The following UBE2L3 variants were observed in gnomAD, a reference collection of about 807,000 sequenced individuals.
UBE2L3 encodes ubiquitin conjugating enzyme E2 L3.
A neutral mutation model predicts 17.8 loss-of-function variants in UBE2L3; 1 was observed. That is an observed-to-expected ratio of 0.06 (90% CI 0.02 to 0.27). The LOEUF is 0.27. Ranked by LOEUF, UBE2L3 falls within the 10% of genes least tolerant of loss-of-function variation. The pLI is 1.00. For missense variants in UBE2L3, 40 were observed against 192.6 expected (o/e 0.21, Z 4.69); for synonymous variants, 44 against 68.5 (o/e 0.64, Z 1.76).
intron 1 of UBE2L3, among the ~76,000 whole-genome samples, chr22:21,591,477 A>G (rs1239091222): frequency 6.6e-6 from 1 of 152,184 alleles, no homozygotes; most frequent in Non-Finnish European, 1.5e-5. Context: ...TCTTCCGTGT[A>G]TTCATTCACT....
At position 21,621,582 on chromosome 22, in the gene UBE2L3, T is replaced by G; in HGVS notation, c.378T>G (p.Ala126=). 2 of 1,611,780 alleles carry G rather than the reference T, an allele frequency of 1.2e-6. No individual in the cohort carries two copies. The highest frequency in any genetic ancestry group is 1.7e-6 in the Non-Finnish European group (2 of 1,179,808). The part of the protein sequence containing the change: ...QPEHPLRADL[A]EEYSKDRKKF... ...AGCACCCGCTTCGGGCTGACCTAGCTGAAGAATACTCTAAGGACCGTAAAA... is the reference window on the plus strand; with the variant it reads ...AGCACCCGCTTCGGGCTGACCTAGCGGAAGAATACTCTAAGGACCGTAAAA... Residue 126 remains alanine (A), a synonymous_variant, in exon 4 of 4, where the codon GCT becomes GCG. Coordinates refer to ENST00000342192, the MANE Select transcript of UBE2L3 (RefSeq NM_003347.4).
intron 3 of UBE2L3, among the ~76,000 whole-genome samples, chr22:21,615,028 G>A (rs367930883): frequency 7.9e-5 from 12 of 152,168 alleles, no homozygotes; most frequent in Non-Finnish European, 1.5e-4. Context: ...GGTGGCGGGC[G>A]CCTGTAATCC....
At chr22:21,560,154 A>G (rs1313960890) in intron 1 of UBE2L3, among the ~76,000 whole-genome samples, 14 of 152,118 alleles carry the variant, frequency 9.2e-5, no homozygotes, top group African/African-American at 2.4e-4. Context: ...CCATAGCCAG[A>G]GAGCCTGGCA....
intron 2 of UBE2L3, among the ~76,000 whole-genome samples, chr22:21,600,215 A>G (rs1235609062): frequency 6.6e-6 from 1 of 152,080 alleles, no homozygotes; most frequent in Non-Finnish European, 1.5e-5. Flanking sequence ...TGGGAGGCTC[A>G]GCCAGGAGAA....
chr22:21,578,612 G>A (rs2148408145), intron 1 of UBE2L3, among the ~76,000 whole-genome samples: 1 of 152,228 alleles, frequency 6.6e-6, no homozygotes, highest in Non-Finnish European at 1.5e-5. Flanking sequence ...CCCATGTACA[G>A]ATGGACACGG....
chr22:21,603,485 G>A (rs1268213189), intron 2 of UBE2L3, among the ~76,000 whole-genome samples: 8 of 141,986 alleles, frequency 5.6e-5, no homozygotes, highest in South Asian at 2.3e-4. Context: ...AACCGAGATC[G>A]TGCCATTGCA....
At chr22:21,557,040 TGA>T (rs1273222426) in intron 1 of UBE2L3, among the ~76,000 whole-genome samples, 3 of 150,906 alleles carry the variant, frequency 2.0e-5, no homozygotes, top group Non-Finnish European at 4.4e-5. Context: ...GGCAACAGAG[TGA>T]GAGTCTGAGT....
chr22:21,612,821 G>C (rs56291768), intron 3 of UBE2L3, among the ~76,000 whole-genome samples: 1 of 151,446 alleles, frequency 6.6e-6, no homozygotes, highest in Admixed American at 6.6e-5. Context: ...ATTTGTAGTA[G>C]AGACGGGGTT....
intron 2 of UBE2L3, among the ~76,000 whole-genome samples, chr22:21,593,792 C>T (rs1386037545): frequency 2.6e-5 from 4 of 152,142 alleles, no homozygotes; most frequent in Admixed American, 2.0e-4. Context: ...TTTTGGAGCA[C>T]GGGCAGCATT....
At chr22:21,556,499 G>C (rs371780210) in intron 1 of UBE2L3, among the ~76,000 whole-genome samples, 25 of 152,234 alleles carry the variant, frequency 1.6e-4, no homozygotes, top group African/African-American at 6.0e-4. Flanking sequence ...GCGTGATCTC[G>C]GCATACTGCA....
intron 2 of UBE2L3, among the ~76,000 whole-genome samples, chr22:21,596,601 C>T (rs1277611822): frequency 6.6e-6 from 1 of 152,024 alleles, no homozygotes; most frequent in African/African-American, 2.4e-5. Context: ...TGCAGTTATG[C>T]GATCTCGGCT....
Position 21,617,159 on chromosome 22 carries a change from AAAAAG to A in UBE2L3, c.311-4350_311-4346del, listed in dbSNP as rs1386300722. Among the ~76,000 whole-genome samples the A allele has an allele frequency of 3.3e-5, 5 of 151,838 alleles. 1 individual carries two copies. The highest frequency in any genetic ancestry group is 7.3e-5 in the African/African-American group (3 of 41,344). On this transcript the variant is annotated intron_variant, in intron 3 of 3. Transcript: ENST00000342192. ...AACTCTGTCTTAAAAAAAAAAAAAA[AAAAAG>A]AAAAGGAACAAAAGGAAGGAAATAT...
chr22:21,578,573 T>G (rs1235313769), intron 1 of UBE2L3, among the ~76,000 whole-genome samples: 1 of 151,872 alleles, frequency 6.6e-6, no homozygotes, highest in African/African-American at 2.4e-5. Context: ...CTCTGGAGTT[T>G]GTAATGGAGG....
chr22:21,607,744 C>G (rs1001855999), intron 2 of UBE2L3, among the ~76,000 whole-genome samples: 1 of 152,114 alleles, frequency 6.6e-6, no homozygotes, highest in African/African-American at 2.4e-5. Flanking sequence ...GTCCAGGCCC[C>G]AAAGGTGGTT....
intron 1 of UBE2L3, among the ~76,000 whole-genome samples, chr22:21,568,901 G>A (rs1926799217): frequency 6.6e-6 from 1 of 152,176 alleles, no homozygotes; most frequent in Admixed American, 6.5e-5. Flanking sequence ...TTCCCTAAGG[G>A]CTAGAGAGGA....
Position 21,556,554 on chromosome 22 carries a change from C to A in UBE2L3, c.201+6904C>A, listed in dbSNP as rs1187230798. 5.3e-5 allele frequency among the ~76,000 whole-genome samples: 8 copies of A among 152,302 alleles called. No homozygotes were observed. The East Asian group carries it at 1.2e-3, about 22-fold the overall frequency. ...AAGCAATCCTCTCACTTCAGCCTCC[C>A]GAGTAGCTGTGACTACAGGCTAGCA... On this transcript the variant is annotated intron_variant, in intron 1 of 3. Coordinates refer to the UBE2L3 transcript ENST00000458578.
intron 2 of UBE2L3, among the ~76,000 whole-genome samples, chr22:21,604,341 T>C (rs1929035914): frequency 1.3e-5 from 2 of 151,892 alleles, no homozygotes. Flanking sequence ...TCTACTAAAA[T>C]ACAAAAAATT....
intron 1 of UBE2L3, 91 bp downstream of exon 1, chr22:21,567,862 C>T (rs977538526): frequency 2.6e-6 from 4 of 1,547,866 alleles, no homozygotes; most frequent in African/African-American, 2.7e-5. Flanking sequence ...AGGGCGCTGC[C>T]GTCTGGCTTC....
At chr22:21,563,576 A>AT (rs1926527928), upstream of UBE2L3, among the ~76,000 whole-genome samples, 1 of 142,010 alleles carries the variant, frequency 7.0e-6, no homozygotes. Flanking sequence ...AAAAAAATTA[A>AT]TACTTTTTTT....
Sources: gnomAD v4.1 joint callset for allele counts (sites outside exome capture counted in the v4.1 genomes callset) on GRCh38, gnomAD v4.1.1 for gene constraint, MANE v1.5 for transcripts, NCBI Gene and HGNC (gene_info 2026-07-23, HGNC 2026-07-21) for gene names.